Variants in ATP5MC1 observed in about 807,000 individuals in gnomAD.
ATP5MC1 encodes the protein ATP synthase membrane subunit c locus 1.
In ATP5MC1, 4 loss-of-function variants were observed where a neutral mutation model predicts 12.1. That is an observed-to-expected ratio of 0.33 (90% CI 0.16 to 0.76). ATP5MC1 has a LOEUF of 0.76. Ranked by LOEUF, ATP5MC1 falls within the 30% of genes least tolerant of loss-of-function variation. The probability of loss-of-function intolerance (pLI) is 0.61; values close to 1 mark genes in which losing one functional copy is unlikely to be tolerated. For missense variants in ATP5MC1, 117 were observed against 172.1 expected (o/e 0.68, Z 1.79); for synonymous variants, 52 against 66.0 (o/e 0.79, Z 1.03).
chr17:48,895,247 T>G lies in ATP5MC1; in HGVS notation c.209T>G (p.Ile70Ser). 6.2e-7 allele frequency: 1 copy of G among 1,612,554 alleles called. No individual in the cohort carries two copies. The highest frequency in any genetic ancestry group is 1.1e-5 in the South Asian group (1 of 91,068). ...GACATTGACACAGCAGCCAAGTTTA[T>G]TGGTGCTGGGGCAGCCACAGTTGGT... ...SRDIDTAAKF[I>S]GAGAATVGVA... is the part of the protein sequence containing the mutation. The change falls in exon 4 of 5, where the codon ATT (isoleucine) becomes AGT (serine). Residue 70 changes from isoleucine (I) to serine (S), a missense_variant. By Grantham distance (142) the Ile-to-Ser change is moderately radical (BLOSUM62 -2). Transcript: ENST00000393366.
chr17:48,893,495 T>C (rs918217081), intron 2 of ATP5MC1, 39 bp downstream of exon 2: 2 of 1,610,338 alleles, frequency 1.2e-6, no homozygotes, highest in African/African-American at 2.7e-5. Flanking sequence ...GTACCAGGTG[T>C]ATGGTGTGGA....
At chr17:48,895,521 C>T in intron 4 of ATP5MC1, 134 bp from the exon 5 acceptor site, 3 of 1,268,630 alleles carry the variant, frequency 2.4e-6, no homozygotes, top group Non-Finnish European at 3.4e-6. Flanking sequence ...GCTTGTCCAT[C>T]CAAATCCCCA....
chr17:48,893,192 A>T, intron 1 of ATP5MC1: 1 of 528,676 alleles, frequency 1.9e-6, no homozygotes, highest in South Asian at 2.7e-5. Context: ...GGGCTTGGGC[A>T]CATTTCCTTG....
At chr17:48,894,477 T>C in intron 3 of ATP5MC1, 28 bp downstream of exon 3, 1 of 1,606,836 alleles carries the variant, frequency 6.2e-7, no homozygotes, top group Non-Finnish European at 8.5e-7. Flanking sequence ...CTCTTAGGAA[T>C]GTTCCCAAGG....
chr17:48,894,872 G>A (rs1428893932), intron 3 of ATP5MC1: 3 of 586,016 alleles, frequency 5.1e-6, no homozygotes, highest in Non-Finnish European at 9.6e-6. Flanking sequence ...GAATCTGTAT[G>A]CTTTAATAGT....
At chr17:48,894,206 C>A in intron 2 of ATP5MC1, 166 bp from the exon 3 acceptor site, 1 of 655,284 alleles carries the variant, frequency 1.5e-6, no homozygotes, top group Non-Finnish European at 2.7e-6. Context: ...GCTATTGAGA[C>A]AGCTGTCTCT....
chr17:48,894,121 A>C, intron 2 of ATP5MC1: 1 of 449,870 alleles, frequency 2.2e-6, no homozygotes, highest in Non-Finnish European at 4.1e-6. Flanking sequence ...TGAGAAGCTG[A>C]TTAAAGCTGT....
At chr17:48,894,221 C>CT in intron 2 of ATP5MC1, 151 bp from the exon 3 acceptor site, 1 of 725,812 alleles carries the variant, frequency 1.4e-6, no homozygotes, top group Non-Finnish European at 2.4e-6. Flanking sequence ...GTCTCTGGGG[C>CT]AGGCCTATCT....
At chr17:48,895,086 T>C (rs1365601755) in intron 3 of ATP5MC1, 70 bp from the exon 4 acceptor site, 3 of 1,555,304 alleles carry the variant, frequency 1.9e-6, no homozygotes, top group African/African-American at 2.7e-5. Flanking sequence ...GTGAAGGAGG[T>C]AGAGTCAGCC....
intron 1 of ATP5MC1, 151 bp downstream of exon 1, chr17:48,893,061 C>T: frequency 3.1e-6 from 1 of 319,018 alleles, no homozygotes; most frequent in Admixed American, 4.7e-5. Context: ...CGATTGACTG[C>T]CTCGGCTGGG....
chr17:48,893,556 T>C (rs2040548408), intron 2 of ATP5MC1, 100 bp downstream of exon 2: 1 of 1,371,144 alleles, frequency 7.3e-7, no homozygotes, highest in Non-Finnish European at 1.0e-6. Flanking sequence ...GTCCTGATGA[T>C]GTAGGCTCTT....
rs2040554969 is a variant in ATP5MC1 at position 48,894,455 on chromosome 17, G to A, written c.117+6G>A. 3 of 1,611,720 alleles carry A rather than the reference G, an allele frequency of 1.9e-6. No individual in the cohort carries two copies. Among genetic ancestry groups the A allele is most frequent in the East Asian group, 2.2e-5 (1 of 44,876 alleles). ...CAGTGAATTCATCTAAACAGGTAAG[G>A]GAGGAATAGCTCTCTTAGGAATGTT... On this transcript the variant is annotated splice_donor_region_variant and intron_variant, in intron 3 of 4. Transcript: ENST00000393366.
In ATP5MC1 at chr17:48,894,415, C is replaced by T; in HGVS notation, c.83C>T (p.Ser28Phe). The part of the protein sequence containing the change: ...TRGLIRPVSA[S>F]FLNSPVNSSK... ...GGTCTAATCAGGCCTGTGTCTGCCTCCTTCTTGAATAGCCCAGTGAATTCA... is the reference window on the plus strand; with the variant it reads ...GGTCTAATCAGGCCTGTGTCTGCCTTCTTCTTGAATAGCCCAGTGAATTCA... The change falls in exon 3 of 5, where the codon TCC becomes TTC. Residue 28 changes from serine to phenylalanine, a missense_variant. Ser to Phe is a radical substitution (Grantham distance 155). Transcript: ENST00000393366. 6.2e-7 allele frequency: 1 copy of T among 1,613,774 alleles called. No homozygotes were observed. The highest frequency in any genetic ancestry group is 8.5e-7 in the Non-Finnish European group (1 of 1,179,956).
chr17:48,895,783 G>T lies in ATP5MC1; in HGVS notation c.*14G>T, dbSNP rs1484703576. ...TTCGCCATGTGAGGCTCCATGGGGGGGTCACCGGCCTGTTGCTACTGCAAC... is the reference window on the plus strand; with the variant it reads ...TTCGCCATGTGAGGCTCCATGGGGGTGTCACCGGCCTGTTGCTACTGCAAC... On this transcript the variant is annotated 3_prime_UTR_variant, in exon 5 of 5. Coordinates refer to ENST00000393366, the MANE Select transcript of ATP5MC1 (RefSeq NM_005175.3). 1 of 1,602,278 alleles carries T rather than the reference G, an allele frequency of 6.2e-7. No homozygotes were observed. The highest frequency in any genetic ancestry group is 1.7e-5 in the Admixed American group (1 of 59,996).
intron 2 of ATP5MC1, chr17:48,893,971 G>A (rs1290688392): frequency 6.7e-5 from 14 of 210,202 alleles, no homozygotes; most frequent in Non-Finnish European, 1.1e-4. Context: ...TTCCGGGGCT[G>A]ACTGGCCCAC....
intron 2 of ATP5MC1, 57 bp downstream of exon 2, chr17:48,893,513 A>G: frequency 1.3e-6 from 2 of 1,592,842 alleles, no homozygotes; most frequent in East Asian, 2.2e-5. Context: ...GGACGCCATC[A>G]GTGTTTAATG....
chr17:48,894,759 T>G, intron 3 of ATP5MC1: 1 of 530,512 alleles, frequency 1.9e-6, no homozygotes, highest in Non-Finnish European at 3.6e-6. Context: ...AGACCCTGAC[T>G]CATAAAAACC....
intron 2 of ATP5MC1, 133 bp from the exon 3 acceptor site, chr17:48,894,239 A>T: frequency 1.2e-6 from 1 of 865,410 alleles, no homozygotes; most frequent in South Asian, 1.5e-5. Context: ...TCTGATAGGA[A>T]CAGGAATAAA....
chr17:48,894,297 C>T (rs767273094), intron 2 of ATP5MC1, 75 bp from the exon 3 acceptor site: 2 of 1,377,096 alleles, frequency 1.5e-6, no homozygotes, highest in Non-Finnish European at 2.1e-6. Flanking sequence ...AATCTGTAGT[C>T]ATTTTTGACA....
Sources: allele counts gnomAD v4.1 joint callset, GRCh38; gene constraint gnomAD v4.1.1; transcripts MANE v1.5; gene names NCBI Gene and HGNC (gene_info 2026-07-23, HGNC 2026-07-21).